The following RIMS2 variants were observed in gnomAD, a reference collection of about 807,000 sequenced individuals.
RIMS2 encodes the protein regulating synaptic membrane exocytosis 2.
In RIMS2, 59 loss-of-function variants were observed where a neutral mutation model predicts 174.4. The observed-to-expected ratio is 0.34, with a 90% CI of 0.27 to 0.42. The LOEUF (loss-of-function observed/expected upper bound fraction) is 0.42, where lower values mean the gene tolerates loss of function less well. RIMS2 is among the 10% of genes least tolerant of loss of function. The pLI is 1.00. For synonymous variants in RIMS2, 606 were observed against 572.5 expected, an observed-to-expected ratio of 1.06 and a Z score of -0.84; for missense variants, 1,620 against 1,666.3, an observed-to-expected ratio of 0.97 and a Z score of 0.48.
intron 19 of RIMS2, among the ~76,000 whole-genome samples, chr8:104,137,241 A>G (rs192150612): frequency 1.9e-4 from 29 of 152,290 alleles, no homozygotes; most frequent in Admixed American, 1.5e-3. Flanking sequence ...GTTTGTTTAT[A>G]TTTTTAGTAA....
intron 1 of RIMS2, among the ~76,000 whole-genome samples, chr8:103,630,614 T>C (rs1228433741): frequency 6.8e-6 from 1 of 147,530 alleles, no homozygotes; most frequent in Admixed American, 6.7e-5. Context: ...AACAAAGATG[T>C]CTACATGCTA....
At chr8:104,093,330 C>T (rs2097695376) in intron 19 of RIMS2, 141 bp from the exon 24 acceptor site, 1 of 541,760 alleles carries the variant, frequency 1.8e-6, no homozygotes, top group African/African-American at 1.9e-5. Flanking sequence ...AATTGCCATT[C>T]ACTTTTGTTT....
At chr8:104,247,238 G>A (rs1477357422) in intron 20 of RIMS2, among the ~76,000 whole-genome samples, 1 of 152,146 alleles carries the variant, frequency 6.6e-6, no homozygotes, top group Non-Finnish European at 1.5e-5. Flanking sequence ...CCACAGGCTG[G>A]GTGGCTTAAA....
chr8:103,836,511 T>C (rs1214787941), intron 3 of RIMS2, among the ~76,000 whole-genome samples: 1 of 152,146 alleles, frequency 6.6e-6, no homozygotes, highest in Non-Finnish European at 1.5e-5. Flanking sequence ...CAGTGAGCCA[T>C]GACATGTTTG....
intron 4 of RIMS2, among the ~76,000 whole-genome samples, chr8:103,904,574 T>G (rs1427646667): frequency 6.6e-6 from 1 of 152,088 alleles, no homozygotes; most frequent in Non-Finnish European, 1.5e-5. Context: ...TCCTTTAACT[T>G]TTTAATATGT....
intron 2 of RIMS2, among the ~76,000 whole-genome samples, chr8:103,732,328 G>T (rs7821193): frequency 6.6e-6 from 1 of 152,274 alleles, no homozygotes; most frequent in East Asian, 1.9e-4. Flanking sequence ...GCTGCCTGGG[G>T]TTGTGGGAGG....
At chr8:103,834,055 G>A (rs528919198) in intron 3 of RIMS2, among the ~76,000 whole-genome samples, 1 of 151,890 alleles carries the variant, frequency 6.6e-6, no homozygotes, top group African/African-American at 2.4e-5. Context: ...TGTTGCCCAG[G>A]TTGAAGTGCA....
chr8:104,062,981 G>A (rs574624295), intron 19 of RIMS2, among the ~76,000 whole-genome samples: 1 of 151,780 alleles, frequency 6.6e-6, no homozygotes, highest in African/African-American at 2.4e-5. Context: ...TAGAAGAAAA[G>A]CCTCAGATAA....
At chr8:104,001,961 A>T (rs568391234) in intron 17 of RIMS2, among the ~76,000 whole-genome samples, 1 of 152,054 alleles carries the variant, frequency 6.6e-6, no homozygotes, top group Non-Finnish European at 1.5e-5. Flanking sequence ...TAAACTTCAC[A>T]GTTCCTGCCA....
chr8:104,021,339 A>G (rs1320490244), intron 19 of RIMS2, among the ~76,000 whole-genome samples: 3 of 152,194 alleles, frequency 2.0e-5, no homozygotes, highest in Non-Finnish European at 4.4e-5. Context: ...TCATAAGACA[A>G]TAAACATTTA....
intron 1 of RIMS2, among the ~76,000 whole-genome samples, chr8:103,632,730 GATTTTTT>G (rs2095963890): frequency 1.2e-5 from 1 of 84,750 alleles, no homozygotes; most frequent in African/African-American, 5.6e-5. Flanking sequence ...CATATTTATT[GATTTTTT>G]TTTTTTTTTT....
At chr8:103,700,464 A>T (rs771708718) in intron 2 of RIMS2, among the ~76,000 whole-genome samples, 1 of 151,816 alleles carries the variant, frequency 6.6e-6, no homozygotes, top group Non-Finnish European at 1.5e-5. Flanking sequence ...GCATATATGT[A>T]TTGGGTTAGG....
chr8:103,542,947 G>A (rs981264689), intron 1 of RIMS2, among the ~76,000 whole-genome samples: 4 of 152,078 alleles, frequency 2.6e-5, no homozygotes, highest in Admixed American at 6.6e-5. Context: ...AAACTTTCCT[G>A]TAAGATCAGG....
At chr8:104,061,424 G>T (rs1254951726) in intron 19 of RIMS2, among the ~76,000 whole-genome samples, 2 of 151,912 alleles carry the variant, frequency 1.3e-5, no homozygotes, top group Admixed American at 1.3e-4. Flanking sequence ...CGTGTATCTT[G>T]TATTTTTTAA....
chr8:103,942,723 T>G, intron 13 of RIMS2, 50 bp from the exon 16 acceptor site: 1 of 1,288,214 alleles, frequency 7.8e-7, no homozygotes, highest in Non-Finnish European at 1.1e-6. Flanking sequence ...TTAACATAAT[T>G]TCTTTATTAT....
intron 2 of RIMS2, among the ~76,000 whole-genome samples, chr8:103,723,673 C>T (rs554370537): frequency 1.3e-5 from 2 of 152,320 alleles, no homozygotes; most frequent in African/African-American, 4.8e-5. Flanking sequence ...GGCCTGATGA[C>T]TGGAGCTACC....
At chr8:104,083,314 G>A (rs77926036) in intron 19 of RIMS2, among the ~76,000 whole-genome samples, 3,143 of 152,178 alleles carry the variant, frequency 0.021, 46 homozygotes, top group Middle Eastern at 0.11. Flanking sequence ...CTTATTTCTT[G>A]TCTCCAGCTC....
chr8:103,552,705 G>C (rs1233157862), intron 1 of RIMS2, among the ~76,000 whole-genome samples: 1 of 152,120 alleles, frequency 6.6e-6, no homozygotes, highest in Admixed American at 6.5e-5. Context: ...ATATGACAAA[G>C]GGCTAATATC....
chr8:103,772,890 A>G (rs2098269693), intron 3 of RIMS2, among the ~76,000 whole-genome samples: 1 of 152,188 alleles, frequency 6.6e-6, no homozygotes, highest in African/African-American at 2.4e-5. Flanking sequence ...GAATAACTGA[A>G]TATCCATATG....
Sources: allele counts gnomAD v4.1 joint callset (sites outside exome capture counted in the v4.1 genomes callset), GRCh38; gene constraint gnomAD v4.1.1; transcripts MANE v1.5; gene names NCBI Gene and HGNC (gene_info 2026-07-23, HGNC 2026-07-21).